The following IL1RAPL1 variants were observed in gnomAD, a reference collection of about 807,000 sequenced individuals.
IL1RAPL1 encodes interleukin-1 receptor accessory protein-like 1.
A neutral mutation model predicts 48.4 loss-of-function variants in IL1RAPL1; 3 were observed. The ratio of observed to expected loss-of-function variants is 0.06; its 90% CI spans 0.03 to 0.16. The LOEUF is 0.16. Among genes scored for constraint, IL1RAPL1 ranks in the 10% least tolerant of loss-of-function variants. The probability of loss-of-function intolerance (pLI) is 1.00; values close to 1 mark genes in which losing one functional copy is unlikely to be tolerated. For missense variants in IL1RAPL1, 349 were observed against 530.6 expected (o/e 0.66, Z 3.36); for synonymous variants, 185 against 187.7 (o/e 0.99, Z 0.12).
chrX:29,267,269 ACT>A (rs770443252), intron 2 of IL1RAPL1, among the ~76,000 whole-genome samples: 35 of 111,841 alleles, frequency 3.1e-4, no homozygotes, highest in African/African-American at 1.1e-3. Flanking sequence ...AAAAGTTAAC[ACT>A]CTGATAGTGC....
intron 2 of IL1RAPL1, among the ~76,000 whole-genome samples, chrX:28,838,054 T>C (rs1352701981): frequency 9.0e-6 from 1 of 110,993 alleles, no homozygotes; most frequent in Non-Finnish European, 1.9e-5. Flanking sequence ...TTAGCTCTAC[T>C]TTAGCACGAG....
rs181858449 is a variant in IL1RAPL1 at position 29,303,679 on chromosome X, C to T, written c.362+20462C>T. 3.5e-3 allele frequency among the ~76,000 whole-genome samples: 395 copies of T among 111,658 alleles called. 1 individual carries two copies. The highest frequency in any genetic ancestry group is 7.3e-3 in the Admixed American group (77 of 10,542). ...CAGTAAGCCTTGTACAAAATTTTAA[C>T]TTTTAAATAGAAATTACATAAAGTA... On this transcript the variant is annotated intron_variant, in intron 3 of 10. Transcript: ENST00000378993.
intron 2 of IL1RAPL1, among the ~76,000 whole-genome samples, chrX:28,947,807 T>C (rs937683276): frequency 1.8e-5 from 2 of 111,715 alleles, no homozygotes; most frequent in East Asian, 2.8e-4. Context: ...TAGAGAAATA[T>C]TCTCAGTAAG....
At chrX:28,803,838 C>T (rs1335559414) in intron 2 of IL1RAPL1, among the ~76,000 whole-genome samples, 1 of 112,298 alleles carries the variant, frequency 8.9e-6, no homozygotes, top group Non-Finnish European at 1.9e-5. Flanking sequence ...CATTGATTCA[C>T]ATCAGCTATG....
chrX:29,158,910 T>TTCTTTTCTCTCTCTCTCTCTCTCTC (rs1555969872), intron 2 of IL1RAPL1, among the ~76,000 whole-genome samples: 12 of 84,443 alleles, frequency 1.4e-4, no homozygotes, highest in African/African-American at 6.2e-4. Context: ...TTCTTTTCTT[T>TTCTTTTCTCTCTCTCTCTCTCTCTC]TCTCTCTCTC....
rs1930999849 is a variant in IL1RAPL1 at position 29,222,399 on chromosome X, A to G, written c.83-60539A>G. The stretch of plus-strand genomic sequence containing the variant: ...ATTAAAAACTAAGCTCCCTGAAGGG[A>G]GAGGGTTTTGATTATTTTATTACCT... On this transcript the variant is annotated intron_variant, in intron 2 of 10. Coordinates refer to ENST00000378993, the MANE Select transcript of IL1RAPL1 (RefSeq NM_014271.4). Among the ~76,000 whole-genome samples the G allele has an allele frequency of 3.6e-5, 4 of 111,428 alleles. No individual in the cohort carries two copies. The Admixed American group carries it at 3.8e-4, about 11-fold the overall frequency.
chrX:29,329,195 G>A (rs1479465265), intron 3 of IL1RAPL1, among the ~76,000 whole-genome samples: 1 of 110,799 alleles, frequency 9.0e-6, no homozygotes, highest in Non-Finnish European at 1.9e-5. Flanking sequence ...ACACACAAAT[G>A]ATACAGAGAA....
chrX:29,032,087 A>G (rs1926631106), intron 2 of IL1RAPL1, among the ~76,000 whole-genome samples: 1 of 111,592 alleles, frequency 9.0e-6, no homozygotes, highest in Admixed American at 9.6e-5. Context: ...CAGTTAGGAA[A>G]TGTTAGTTGT....
intron 6 of IL1RAPL1, among the ~76,000 whole-genome samples, chrX:29,800,458 T>C (rs889920045): frequency 9.2e-6 from 1 of 108,325 alleles, no homozygotes; most frequent in African/African-American, 3.4e-5. Context: ...TTAAAATCTC[T>C]GTTTCTTTCT....
At chrX:28,972,795 A>C (rs1053837516) in intron 2 of IL1RAPL1, among the ~76,000 whole-genome samples, 1 of 111,485 alleles carries the variant, frequency 9.0e-6, no homozygotes, top group African/African-American at 3.3e-5. Context: ...CTGTGACTGC[A>C]GAGTTCGGGC....
At chrX:29,444,068 G>A (rs1934581933) in intron 5 of IL1RAPL1, among the ~76,000 whole-genome samples, 1 of 112,376 alleles carries the variant, frequency 8.9e-6, no homozygotes, top group African/African-American at 3.2e-5. Flanking sequence ...GTGGCTGGGC[G>A]CCGTGGCTCA....
intron 1 of IL1RAPL1, among the ~76,000 whole-genome samples, chrX:28,703,983 G>T (rs767251093): frequency 8.9e-6 from 1 of 111,935 alleles, no homozygotes; most frequent in South Asian, 3.7e-4. Flanking sequence ...GGTAGAGGCT[G>T]TGAAGCCTTA....
chrX:28,695,715 T>C (rs1244807147), intron 1 of IL1RAPL1, among the ~76,000 whole-genome samples: 3 of 112,027 alleles, frequency 2.7e-5, no homozygotes, highest in Non-Finnish European at 5.6e-5. Context: ...GAGTATCTAC[T>C]GTATACTAGC....
At chrX:29,544,582 A>G (rs1239760645) in intron 5 of IL1RAPL1, among the ~76,000 whole-genome samples, 2 of 111,752 alleles carry the variant, frequency 1.8e-5, no homozygotes, top group Admixed American at 9.5e-5. Flanking sequence ...CTTTTTTCCA[A>G]TCTACAGAGT....
chrX:29,934,980 T>C (rs1023049215), intron 8 of IL1RAPL1, among the ~76,000 whole-genome samples: 5 of 111,784 alleles, frequency 4.5e-5, no homozygotes, highest in Non-Finnish European at 9.4e-5. Context: ...TAATCTGGTA[T>C]GGTTCCTCAG....
chrX:29,402,785 A>ATT (rs139591089), intron 5 of IL1RAPL1, among the ~76,000 whole-genome samples: 9,784 of 106,483 alleles, frequency 0.092, 583 homozygotes, highest in African/African-American at 0.21. Context: ...ACTGTTTTAC[A>ATT]TTTTTTTTTA....
chrX:29,879,263 G>A (rs1316143532), intron 6 of IL1RAPL1, among the ~76,000 whole-genome samples: 2 of 109,534 alleles, frequency 1.8e-5, no homozygotes, highest in Admixed American at 9.9e-5. Context: ...AGTAGGGAGA[G>A]AATGCCACTT....
intron 1 of IL1RAPL1, among the ~76,000 whole-genome samples, chrX:28,615,033 T>A (rs763015979): frequency 8.2e-5 from 9 of 109,197 alleles, no homozygotes; most frequent in South Asian, 4.0e-4. Context: ...GGACTACAGG[T>A]GCCCGCCACC....
intron 1 of IL1RAPL1, among the ~76,000 whole-genome samples, chrX:28,657,772 C>G (rs932989637): frequency 2.7e-5 from 3 of 111,786 alleles, no homozygotes; most frequent in Non-Finnish European, 5.6e-5. Flanking sequence ...TAACCCTGTC[C>G]TTGCTTGTGC....
Sources: gnomAD v4.1 joint callset for allele counts (sites outside exome capture counted in the v4.1 genomes callset) on GRCh38, gnomAD v4.1.1 for gene constraint, MANE v1.5 for transcripts, NCBI Gene and HGNC (gene_info 2026-07-23, HGNC 2026-07-21) for gene names.